The following PHTF2 variants were observed in gnomAD, a reference collection of about 807,000 sequenced individuals.
PHTF2 encodes protein PHTF2.
A neutral mutation model predicts 101.2 loss-of-function variants in PHTF2; 60 were observed. The observed-to-expected ratio is 0.59, with a 90% CI of 0.48 to 0.73. The LOEUF (loss-of-function observed/expected upper bound fraction) is 0.73. PHTF2 is among the 30% of genes least tolerant of loss of function. PHTF2 has a pLI of 0.00. For synonymous variants in PHTF2, 311 were observed against 307.3 expected, an observed-to-expected ratio of 1.01 and a Z score of -0.13; for missense variants, 747 against 908.7, an observed-to-expected ratio of 0.82 and a Z score of 2.29.
intron 16 of PHTF2, among the ~76,000 whole-genome samples, chr7:77,943,813 T>C (rs1179200490): frequency 6.6e-6 from 1 of 151,482 alleles, no homozygotes; most frequent in Non-Finnish European, 1.5e-5. Flanking sequence ...AGGTCAGGAG[T>C]TCGAGACCAG....
chr7:77,801,310 G>C (rs373961878), intron 1 of PHTF2, among the ~76,000 whole-genome samples: 1 of 152,244 alleles, frequency 6.6e-6, no homozygotes, highest in Non-Finnish European at 1.5e-5. Context: ...GTCAAGCTGG[G>C]TGCGGTGGCT....
At chr7:77,953,222 A>G (rs1025024205) in intron 18 of PHTF2, among the ~76,000 whole-genome samples, 1 of 152,094 alleles carries the variant, frequency 6.6e-6, no homozygotes, top group African/African-American at 2.4e-5. Context: ...TCATATTTTA[A>G]TTATTTGTTG....
chr7:77,929,329 TTGGTTTA>T lies in PHTF2; in HGVS notation c.1338+9_1338+15del. 6.4e-7 allele frequency: 1 copy of T among 1,559,226 alleles called. No individual in the cohort carries two copies. Among genetic ancestry groups the T allele is most frequent in the Non-Finnish European group, 8.8e-7 (1 of 1,132,120 alleles). The stretch of plus-strand genomic sequence containing the variant: ...TATAGAGATGACCCTTTTCATCAGG[TTGGTTTA>T]TGGTTTTGGCTTATGTGGAGCTATG... On this transcript the variant is annotated splice_donor_5th_base_variant and intron_variant, in intron 12 of 19. Coordinates refer to ENST00000416283, the Ensembl canonical transcript of PHTF2.
In PHTF2 at chr7:77,866,385, G is replaced by T. The variant is rs951473385; in HGVS notation, c.147+11551G>T. The stretch of plus-strand genomic sequence containing the variant: ...TTTCCAGTGCAAATAATGTGCAGTT[G>T]ACTGTCTAAGAGGCAGACAGAGAAA... On this transcript the variant is annotated intron_variant, in intron 3 of 19. Transcript: ENST00000416283. Among the ~76,000 whole-genome samples the T allele has an allele frequency of 2.0e-5, 3 of 152,178 alleles. No individual in the cohort carries two copies. The East Asian group carries it at 5.8e-4, about 29-fold the overall frequency.
At chr7:77,901,457 C>CAACA (rs3084625) in intron 6 of PHTF2, among the ~76,000 whole-genome samples, 121,198 of 150,604 alleles carry the variant, frequency 0.8, 49,338 homozygotes, top group East Asian at 0.92. Flanking sequence ...GATCCTATCT[C>CAACA]AACAAACAAA....
chr7:77,827,510 C>T (rs748760990), intron 1 of PHTF2, among the ~76,000 whole-genome samples: 34 of 151,924 alleles, frequency 2.2e-4, no homozygotes, highest in Non-Finnish European at 4.7e-4. Flanking sequence ...CCTGCCACCA[C>T]GCCCGGCTAG....
intron 17 of PHTF2, 113 bp from the exon 17 acceptor site, chr7:77,951,504 C>CT (rs1290440643): frequency 3.4e-5 from 18 of 522,616 alleles, no homozygotes; most frequent in Non-Finnish European, 5.1e-5. Flanking sequence ...AGTATAAAGA[C>CT]TATTAAAATC....
Position 77,908,943 on chromosome 7 carries a change from G to A in PHTF2, c.596G>A (p.Gly199Glu), listed in dbSNP as rs758219535. The A allele has an allele frequency of 6.3e-7, 1 of 1,597,638 alleles. No individual in the cohort carries two copies. Among genetic ancestry groups the A allele is most frequent in the Admixed American group, 1.8e-5 (1 of 55,636 alleles). The change falls in exon 8 of 20, where the codon GGG (glycine) becomes GAG (glutamate). Residue 199 changes from glycine (G) to glutamate (E), a missense_variant. Coordinates refer to ENST00000416283, the Ensembl canonical transcript of PHTF2. ...ACACCCAAACCTCCTCTAAGTACAG[G>A]GGGTAAAAGAAGAAGGTACTGTTTT...
intron 12 of PHTF2, among the ~76,000 whole-genome samples, chr7:77,934,290 A>C (rs1040935685): frequency 6.6e-6 from 1 of 152,256 alleles, no homozygotes; most frequent in Non-Finnish European, 1.5e-5. Context: ...GTTTGTAAAT[A>C]GTAATTGAAA....
intron 2 of PHTF2, among the ~76,000 whole-genome samples, chr7:77,849,424 C>T (rs1466552558): frequency 1.3e-5 from 2 of 152,136 alleles, no homozygotes; most frequent in Admixed American, 1.3e-4. Context: ...AGGCGTGAGC[C>T]ACTGTGCCCA....
chr7:77,823,281 C>T (rs1185159924), intron 1 of PHTF2, among the ~76,000 whole-genome samples: 1 of 151,926 alleles, frequency 6.6e-6, no homozygotes, highest in Non-Finnish European at 1.5e-5. Flanking sequence ...AGTGCAGTAG[C>T]ATGATCTTGG....
chr7:77,947,138 A>AAC (rs1411571274), intron 16 of PHTF2, among the ~76,000 whole-genome samples: 108 of 151,528 alleles, frequency 7.1e-4, no homozygotes, highest in African/African-American at 2.5e-3. Context: ...CAACAACAAC[A>AAC]AACGCATATG....
At chr7:77,880,063 T>C (rs1191841270) in intron 3 of PHTF2, among the ~76,000 whole-genome samples, 1 of 152,256 alleles carries the variant, frequency 6.6e-6, no homozygotes, top group Non-Finnish European at 1.5e-5. Context: ...ACAGTTGCTC[T>C]ACTGTTGACA....
At chr7:77,836,118 TC>T (rs1795443411) in intron 1 of PHTF2, among the ~76,000 whole-genome samples, 1 of 51,284 alleles carries the variant, frequency 1.9e-5, no homozygotes, top group African/African-American at 1.2e-4. Context: ...AAACTCCATC[TC>T]AAAAAAAAAA....
intron 1 of PHTF2, among the ~76,000 whole-genome samples, chr7:77,824,240 G>T (rs963905687): frequency 2.0e-5 from 3 of 151,492 alleles, no homozygotes; most frequent in Non-Finnish European, 4.4e-5. Flanking sequence ...ATTTGAGGAG[G>T]GAAAATACAT....
chr7:77,863,787 GTT>G (rs368245678), intron 3 of PHTF2, among the ~76,000 whole-genome samples: 18 of 132,168 alleles, frequency 1.4e-4, no homozygotes, highest in Admixed American at 6.2e-4. Context: ...GTTTTGTTTT[GTT>G]TTTTTTTTTT....
At chr7:77,908,468 G>A (rs531345975) in intron 7 of PHTF2, among the ~76,000 whole-genome samples, 2 of 152,252 alleles carry the variant, frequency 1.3e-5, no homozygotes, top group East Asian at 3.9e-4. Context: ...TGTACTTGAG[G>A]TTAGGGTAGT....
chr7:77,866,050 G>A (rs1488145209), intron 3 of PHTF2, among the ~76,000 whole-genome samples: 1 of 152,034 alleles, frequency 6.6e-6, no homozygotes, highest in East Asian at 1.9e-4. Context: ...CAGGCATGGT[G>A]GTGCACACCT....
chr7:77,854,990 A>C (rs1174464199), intron 3 of PHTF2, among the ~76,000 whole-genome samples: 2 of 152,220 alleles, frequency 1.3e-5, no homozygotes, highest in Admixed American at 6.5e-5. Flanking sequence ...GCTGGTGCCC[A>C]AGCTGCAAGA....
Sources: allele counts gnomAD v4.1 joint callset (sites outside exome capture counted in the v4.1 genomes callset), GRCh38; gene constraint gnomAD v4.1.1; transcripts MANE v1.5; gene names NCBI Gene and HGNC (gene_info 2026-07-23, HGNC 2026-07-21).